Variants in RNF130 observed in about 807,000 individuals in gnomAD.
The protein encoded by RNF130 is E3 ubiquitin-protein ligase RNF130.
Under a neutral mutation model 44.6 loss-of-function variants are expected in RNF130, and 21 were observed. The ratio of observed to expected loss-of-function variants is 0.47; its 90% confidence interval spans 0.33 to 0.68. The LOEUF (loss-of-function observed/expected upper bound fraction) is 0.68. Ranked by LOEUF, RNF130 falls within the 30% of genes least tolerant of loss-of-function variation. RNF130 has a pLI of 0.02. For synonymous variants in RNF130, 214 were observed against 210.4 expected (o/e 1.02, Z -0.15); for missense variants, 479 against 560.6 (o/e 0.85, Z 1.47).
At chr5:179,921,998 G>C (rs1761637588) in intron 7 of RNF130, among the ~76,000 whole-genome samples, 1 of 151,680 alleles carries the variant, frequency 6.6e-6, no homozygotes, top group Non-Finnish European at 1.5e-5. Flanking sequence ...TCCAGACTGT[G>C]TGACAGAGTG....
intron 1 of RNF130, among the ~76,000 whole-genome samples, chr5:180,049,913 C>G (rs139479443): frequency 1.3e-5 from 2 of 152,134 alleles, no homozygotes; most frequent in East Asian, 1.9e-4. Context: ...TAGTGCCTAC[C>G]CTTAAAATGT....
At chr5:180,046,805 G>A (rs999570477) in intron 1 of RNF130, among the ~76,000 whole-genome samples, 1 of 152,142 alleles carries the variant, frequency 6.6e-6, no homozygotes, top group African/African-American at 2.4e-5. Context: ...GCACCCTTAG[G>A]TTACATCCAT....
intron 6 of RNF130, 106 bp downstream of exon 6, chr5:179,970,304 C>G (rs898311864): frequency 2.6e-6 from 2 of 780,886 alleles, no homozygotes; most frequent in Middle Eastern, 2.5e-4. Flanking sequence ...CCAGTGTTTT[C>G]TTCTGTGTCT....
At chr5:179,953,601 C>T (rs1247547987), downstream of RNF130, among the ~76,000 whole-genome samples, 3 of 152,108 alleles carry the variant, frequency 2.0e-5, no homozygotes, top group African/African-American at 4.8e-5. Flanking sequence ...AACACCCCTA[C>T]CTTACACCGT....
intron 7 of RNF130, among the ~76,000 whole-genome samples, chr5:179,932,506 C>T (rs745903348): frequency 2.0e-5 from 3 of 151,960 alleles, no homozygotes; most frequent in East Asian, 3.9e-4. Context: ...ATGATCCGCC[C>T]GCCTCAGCCT....
chr5:180,028,781 A>AT (rs1363095558), intron 2 of RNF130, among the ~76,000 whole-genome samples: 1 of 152,158 alleles, frequency 6.6e-6, no homozygotes, highest in Non-Finnish European at 1.5e-5. Context: ...TTGATTAACT[A>AT]TTTTTTTGTA....
intron 3 of RNF130, among the ~76,000 whole-genome samples, chr5:179,997,380 C>T (rs1008821532): frequency 9.9e-5 from 15 of 152,026 alleles, no homozygotes; most frequent in Non-Finnish European, 2.9e-5. Flanking sequence ...CTGGAGCGCA[C>T]TGGCGCAATC....
At chr5:179,962,073 G>A (rs968590674) in intron 8 of RNF130, among the ~76,000 whole-genome samples, 3 of 152,242 alleles carry the variant, frequency 2.0e-5, no homozygotes, top group Non-Finnish European at 2.9e-5. Context: ...GAGGAGCTGA[G>A]AGTCAAATCC....
chr5:180,019,176 A>G (rs886765614), intron 2 of RNF130, among the ~76,000 whole-genome samples: 4 of 97,822 alleles, frequency 4.1e-5, no homozygotes, highest in African/African-American at 1.8e-4. Flanking sequence ...CCAGGCCAGA[A>G]GATCAAAACC....
At chr5:179,967,908 T>C (rs1762486173) in intron 6 of RNF130, among the ~76,000 whole-genome samples, 1 of 152,280 alleles carries the variant, frequency 6.6e-6, no homozygotes, top group African/African-American at 2.4e-5. Context: ...GGTTTTTTTA[T>C]GTTCATTACA....
At chr5:180,063,086 CAG>C (rs1765024178) in intron 1 of RNF130, among the ~76,000 whole-genome samples, 1 of 152,150 alleles carries the variant, frequency 6.6e-6, no homozygotes, top group Non-Finnish European at 1.5e-5. Flanking sequence ...TCATACTGCA[CAG>C]AGACTTCTGA....
intron 1 of RNF130, among the ~76,000 whole-genome samples, chr5:180,048,119 A>G (rs1764610909): frequency 6.6e-6 from 1 of 152,134 alleles, no homozygotes; most frequent in South Asian, 2.1e-4. Context: ...AGACACAGCT[A>G]AATCAGGTCA....
chr5:179,931,411 T>A (rs550519585), intron 7 of RNF130, among the ~76,000 whole-genome samples: 1 of 152,280 alleles, frequency 6.6e-6, no homozygotes, highest in South Asian at 2.1e-4. Flanking sequence ...TAAGTGTAGC[T>A]TTTTTGTTTT....
chr5:179,919,373 G>A (rs955131227), exon 8 of RNF130: 3 of 152,622 alleles, frequency 2.0e-5, no homozygotes, highest in African/African-American at 7.2e-5. Context: ...GCTGCACAGT[G>A]GACAGTGAAG....
At chr5:180,034,254 T>A (rs1294634803) in intron 2 of RNF130, among the ~76,000 whole-genome samples, 1 of 152,158 alleles carries the variant, frequency 6.6e-6, no homozygotes, top group Non-Finnish European at 1.5e-5. Flanking sequence ...CTAATCCATT[T>A]TATATATTAC....
intron 3 of RNF130, among the ~76,000 whole-genome samples, chr5:180,000,502 T>TC (rs1199754738): frequency 6.6e-6 from 1 of 152,238 alleles, no homozygotes; most frequent in African/African-American, 2.4e-5. Flanking sequence ...TCCCCTTCTC[T>TC]CCTTCTGGAA....
intron 3 of RNF130, 156 bp from the exon 4 acceptor site, chr5:179,980,356 G>A (rs1273207755): frequency 3.2e-6 from 2 of 631,336 alleles, no homozygotes; most frequent in African/African-American, 1.8e-5. Context: ...AATGGTGGCT[G>A]TATCAAGATT....
At chr5:179,927,735 C>G (rs545836103) in intron 7 of RNF130, among the ~76,000 whole-genome samples, 1 of 151,776 alleles carries the variant, frequency 6.6e-6, no homozygotes, top group African/African-American at 2.4e-5. Context: ...TACAGGTGCC[C>G]GCCACCACGC....
At chr5:179,960,455 C>T (rs1355173821) in intron 8 of RNF130, among the ~76,000 whole-genome samples, 1 of 152,216 alleles carries the variant, frequency 6.6e-6, no homozygotes, top group Non-Finnish European at 1.5e-5. Flanking sequence ...AAGCCAACAG[C>T]ACGAAGCCCT....
Sources: allele counts gnomAD v4.1 joint callset (sites outside exome capture counted in the v4.1 genomes callset), GRCh38; gene constraint gnomAD v4.1.1; transcripts MANE v1.5; gene names NCBI Gene and HGNC (gene_info 2026-07-23, HGNC 2026-07-21).